Variants in PGS1 observed in about 807,000 individuals in gnomAD.
PGS1 encodes the protein phosphatidylglycerophosphate synthase 1, also known as CDP-diacylglycerol--glycerol-3-phosphate 3-phosphatidyltransferase, mitochondrial.
Under a neutral mutation model 58.3 loss-of-function variants are expected in PGS1, and 44 were observed. The observed-to-expected ratio is 0.75, with a 90% CI of 0.59 to 0.97. PGS1 has a LOEUF of 0.97. PGS1 is among the 50% of genes least tolerant of loss of function. PGS1 has a pLI of 0.00. For missense variants in PGS1, 684 were observed against 731.1 expected (o/e 0.94, Z 0.74); for synonymous variants, 330 against 311.0 (o/e 1.06, Z -0.64).
At position 78,419,890 on chromosome 17, in the gene PGS1, C is replaced by T. The variant is rs540125515; in HGVS notation, c.*10+215C>T. Reference sequence around the variant, plus strand: ...CTGTTCACTTTCCATCTGGTACCCACTCCACTAAGTCCCAAGGCGCCTGTG... The same window carrying T: ...CTGTTCACTTTCCATCTGGTACCCATTCCACTAAGTCCCAAGGCGCCTGTG... On this transcript the variant is annotated intron_variant, in intron 9 of 9. Coordinates refer to ENST00000262764, the MANE Select transcript of PGS1 (RefSeq NM_024419.5). 7.8e-6 allele frequency: 10 copies of T among 1,289,494 alleles called. No individual in the cohort carries two copies. The East Asian group carries it at 3.8e-4, about 49-fold the overall frequency. 79.9% of individuals were successfully genotyped at this position (1,289,494 alleles called of 1,614,324 possible).
rs572547320 is a variant in PGS1, at chr17:78,410,462, CTTTTTTTTTTTTTTTTT to C, written c.1403-4404_1403-4388del. 6.4e-3 allele frequency among the ~76,000 whole-genome samples: 473 copies of C among 73,574 alleles called. 11 individuals are homozygous for C. Among genetic ancestry groups the C allele is most frequent in the African/African-American group, 0.024 (450 of 18,822 alleles). 48.3% of individuals were successfully genotyped at this position (73,574 alleles called of 152,430 possible). A position where few individuals can be genotyped will look rare whatever the true frequency, so the allele number is the denominator to read the frequency against. ...ATAAAACAAAACCAAAACTTCAGAGCTTTTTTTTTTTTTTTTTTTTTTTTTTTTTGGGACGGAGTCTT... is the reference window on the plus strand; with the variant it reads ...ATAAAACAAAACCAAAACTTCAGAGCTTTTTTTTTTTTGGGACGGAGTCTT... On this transcript the variant is annotated intron_variant, in intron 7 of 9. Coordinates refer to ENST00000262764, the MANE Select transcript of PGS1 (RefSeq NM_024419.5).
chr17:78,378,701 G>C lies in PGS1; in HGVS notation c.36G>C (p.Val12=), dbSNP rs958121908. ...AVAAAAAAGP[V]FWRRLLGLLP... ...CGGCGGCAGCTGCGGCGGGACCCGTGTTCTGGAGGCGACTGCTGGGCCTCC... is the reference window on the plus strand; with the variant it reads ...CGGCGGCAGCTGCGGCGGGACCCGTCTTCTGGAGGCGACTGCTGGGCCTCC... Residue 12 remains valine (V), a synonymous_variant, in exon 1 of 10, where the codon GTG becomes GTC. Coordinates refer to ENST00000262764, the MANE Select transcript of PGS1 (RefSeq NM_024419.5). 1 of 1,524,154 alleles carries C rather than the reference G, an allele frequency of 6.6e-7. No homozygotes were observed. The highest frequency in any genetic ancestry group is 8.8e-7 in the Non-Finnish European group (1 of 1,142,378). The allele number at this position is 1,524,154 out of a possible 1,614,324, so 94.4% of individuals were successfully genotyped here.
At chr17:78,417,143 G>A (rs924202859) in intron 8 of PGS1, among the ~76,000 whole-genome samples, 6 of 152,224 alleles carry the variant, frequency 3.9e-5, no homozygotes, top group Admixed American at 1.3e-4. Context: ...AGACTCCCTC[G>A]AACAGCGTCG....
intron 9 of PGS1, chr17:78,419,971 C>T (rs1336737023): frequency 8.5e-7 from 1 of 1,178,802 alleles, no homozygotes; most frequent in Non-Finnish European, 1.1e-6. Flanking sequence ...CCCAGGGGGT[C>T]CTGAAGAAGC....
chr17:78,412,487 G>A (rs1307686780), intron 7 of PGS1, among the ~76,000 whole-genome samples: 2 of 152,216 alleles, frequency 1.3e-5, no homozygotes, highest in Non-Finnish European at 2.9e-5. Flanking sequence ...ATGGAGAAGC[G>A]GTTGTGCGTA....
intron 1 of PGS1, among the ~76,000 whole-genome samples, chr17:78,388,066 G>A (rs1160491851): frequency 3.3e-5 from 5 of 152,180 alleles, no homozygotes; most frequent in South Asian, 2.1e-4. Flanking sequence ...TCCATGAAAC[G>A]TAGTTGGCTT....
intron 9 of PGS1, chr17:78,420,976 G>GT (rs1325109733): frequency 6.6e-6 from 1 of 152,188 alleles, no homozygotes. Context: ...CCTAAATGGT[G>GT]TTCACAATTC....
intron 6 of PGS1, 23 bp from the exon 7 acceptor site, chr17:78,403,545 C>T (rs769568309): frequency 6.2e-7 from 1 of 1,602,038 alleles, no homozygotes; most frequent in South Asian, 1.1e-5. Context: ...CTTCCCTTCA[C>T]TCTTCTTTCA....
rs2085051463 is a variant in PGS1, at chr17:78,415,022, C to T, written c.1546C>T (p.His516Tyr). Residue 516 changes from histidine to tyrosine, a missense_variant, in exon 8 of 10, where the codon CAC becomes TAC. Transcript: ENST00000262764. ...TENQALQQQLHQEQEQLYLRS... is the reference protein window; with the variant it reads ...TENQALQQQLYQEQEQLYLRS... ...GAACCAGGCCCTGCAGCAGCAGCTT[C>T]ACCAGGTTGGTCGCAGCAAGTGGGA... 2 of 1,612,634 alleles carry T rather than the reference C, an allele frequency of 1.2e-6. No homozygotes were observed. Among genetic ancestry groups the T allele is most frequent in the African/African-American group, 1.3e-5 (1 of 74,878 alleles).
In PGS1 at chr17:78,391,540, C is replaced by T. The variant is rs770281409; in HGVS notation, c.144-936C>T. On this transcript the variant is annotated intron_variant, in intron 1 of 9. Transcript: ENST00000262764. ...TCACCCAGGCTGGGGTGCAGTGGTG[C>T]GATCTCGCCTCACTGCAACCTCCAC... is the stretch of plus-strand genomic sequence containing the variant. 1.6e-4 allele frequency among the ~76,000 whole-genome samples: 25 copies of T among 152,200 alleles called. 1 individual carries two copies. Among genetic ancestry groups the T allele is most frequent in the Middle Eastern group, 6.8e-3 (2 of 294 alleles).
chr17:78,378,787 ACCGGGACCG>A lies in PGS1; in HGVS notation c.125_133del (p.Arg42_Arg44del). On this transcript the variant is annotated inframe_deletion, in exon 1 of 10. Coordinates refer to ENST00000262764, the MANE Select transcript of PGS1 (RefSeq NM_024419.5). ...CGCCTGTCCGACCGCCTCGGCAGGA[ACCGGGACCG>A]CCAGCGCAGGAGGTGAGAGGGGCGG... 6.8e-7 allele frequency: 1 copy of A among 1,480,680 alleles called. No homozygotes were observed. Among genetic ancestry groups the A allele is most frequent in the South Asian group, 1.3e-5 (1 of 77,944 alleles). 91.7% of individuals were successfully genotyped at this position (1,480,680 alleles called of 1,614,324 possible). A position where few individuals can be genotyped will look rare whatever the true frequency, so the allele number is the denominator to read the frequency against.
In PGS1 at chr17:78,397,728, C is replaced by T. The variant is rs964759294; in HGVS notation, c.412-524C>T. Among the ~76,000 whole-genome samples, 5 of 152,272 alleles carry T rather than the reference C, an allele frequency of 3.3e-5. No individual in the cohort carries two copies. In the East Asian group the frequency reaches 9.7e-4, roughly 29 times the overall value. ...GGGATTAGAGGCCTGAGCCACTGCG[C>T]CCGGCCGCCTCCCTCTATTTTTAGG... On this transcript the variant is annotated intron_variant, in intron 3 of 9. Coordinates refer to ENST00000262764, the MANE Select transcript of PGS1 (RefSeq NM_024419.5).
intron 7 of PGS1, among the ~76,000 whole-genome samples, chr17:78,413,343 C>T (rs1329753708): frequency 6.6e-6 from 1 of 152,066 alleles, no homozygotes; most frequent in Non-Finnish European, 1.5e-5. Flanking sequence ...TTGTGTGGGT[C>T]CTTTGAAAGG....
intron 1 of PGS1, among the ~76,000 whole-genome samples, chr17:78,386,142 G>A (rs2082368795): frequency 6.6e-6 from 1 of 152,206 alleles, no homozygotes; most frequent in Admixed American, 6.5e-5. Context: ...CCTGAGTCAG[G>A]CTTCCTGGGG....
intron 9 of PGS1, among the ~76,000 whole-genome samples, chr17:78,422,141 T>A (rs1445272099): frequency 2.6e-5 from 4 of 152,198 alleles, no homozygotes; most frequent in African/African-American, 7.2e-5. Flanking sequence ...TACCAGGGAC[T>A]GAAGTGAGTT....
Position 78,407,434 on chromosome 17 carries a change from C to G in PGS1, c.1402+3345C>G, listed in dbSNP as rs563391660. On this transcript the variant is annotated intron_variant, in intron 7 of 9. Transcript: ENST00000262764. ...GTCAGGTGAGAGATGAGTGGGCAGCCGCAGGGTGCTTGTGGATTTCGATGG... is the reference window on the plus strand; with the variant it reads ...GTCAGGTGAGAGATGAGTGGGCAGCGGCAGGGTGCTTGTGGATTTCGATGG... 5.3e-5 allele frequency among the ~76,000 whole-genome samples: 8 copies of G among 152,310 alleles called. No individual in the cohort carries two copies. The South Asian group carries it at 1.7e-3, about 32-fold the overall frequency.
intron 7 of PGS1, among the ~76,000 whole-genome samples, chr17:78,408,032 C>T (rs998581281): frequency 6.6e-6 from 1 of 152,204 alleles, no homozygotes; most frequent in African/African-American, 2.4e-5. Context: ...GTGTGATAAC[C>T]ATTTGCCGAT....
intron 9 of PGS1, among the ~76,000 whole-genome samples, chr17:78,423,302 G>A (rs2086104248): frequency 6.6e-6 from 1 of 152,128 alleles, no homozygotes; most frequent in Admixed American, 6.5e-5. Flanking sequence ...ACAGGTCCGG[G>A]GCTTGCTTGT....
At chr17:78,411,611 C>T (rs538783759) in intron 7 of PGS1, among the ~76,000 whole-genome samples, 22 of 152,328 alleles carry the variant, frequency 1.4e-4, no homozygotes, top group African/African-American at 5.3e-4. Context: ...AGGGCTGCTT[C>T]CTCCCTCCCC....
Sources: gnomAD v4.1 joint callset for allele counts (sites outside exome capture counted in the v4.1 genomes callset) on GRCh38, gnomAD v4.1.1 for gene constraint, MANE v1.5 for transcripts, NCBI Gene and HGNC (gene_info 2026-07-23, HGNC 2026-07-21) for gene names.